ADAMTS12: variants seen among roughly 807,000 people sequenced by gnomAD.
ADAMTS12 encodes the protein ADAM metallopeptidase with thrombospondin type 1 motif 12, also known as A disintegrin and metalloproteinase with thrombospondin motifs 12.
A neutral mutation model predicts 167.8 loss-of-function variants in ADAMTS12; 118 were observed. That is an observed-to-expected ratio of 0.70 (90% CI 0.61 to 0.82). The LOEUF (loss-of-function observed/expected upper bound fraction) is 0.82, where lower values mean the gene tolerates loss of function less well. Ranked by LOEUF, ADAMTS12 falls within the 40% of genes least tolerant of loss-of-function variation. The pLI, the probability that ADAMTS12 is intolerant of heterozygous loss-of-function variation, is 0.00. For synonymous variants in ADAMTS12, 704 were observed against 716.9 expected (o/e 0.98, Z 0.29); for missense variants, 1,916 against 1,998.8 (o/e 0.96, Z 0.79).
rs759514533 is a variant in ADAMTS12, at chr5:33,881,108, C to T, written c.489+11G>A. ...AGGGCAGAGGAAGGAGATGCCAGAG[C>T]CCACACTCACCAGTCCATGGCAGGC... On this transcript the variant is annotated intron_variant, in intron 2 of 23. Transcript: ENST00000504830. 1.5e-5 allele frequency: 24 copies of T among 1,610,324 alleles called. No homozygotes were observed. The highest frequency in any genetic ancestry group is 2.0e-5 in the Non-Finnish European group (23 of 1,178,576).
intron 2 of ADAMTS12, among the ~76,000 whole-genome samples, chr5:33,796,190 AC>A (rs1446582753): frequency 6.6e-6 from 1 of 152,206 alleles, no homozygotes; most frequent in Non-Finnish European, 1.5e-5. Context: ...TCACTCTGGC[AC>A]CCAGCATAAA....
intron 2 of ADAMTS12, among the ~76,000 whole-genome samples, chr5:33,793,451 T>C (rs1678444863): frequency 6.6e-6 from 1 of 152,236 alleles, no homozygotes; most frequent in South Asian, 2.1e-4. Flanking sequence ...TGAATTTGAT[T>C]AAGCAACCAG....
intron 5 of ADAMTS12, among the ~76,000 whole-genome samples, chr5:33,672,654 G>T (rs1199110607): frequency 1.3e-5 from 2 of 152,108 alleles, no homozygotes; most frequent in Non-Finnish European, 2.9e-5. Context: ...TCCAATCTAC[G>T]TGTGTCTGTT....
intron 2 of ADAMTS12, among the ~76,000 whole-genome samples, chr5:33,870,440 T>G (rs1749996830): frequency 1.3e-5 from 2 of 152,198 alleles, no homozygotes; most frequent in African/African-American, 4.8e-5. Flanking sequence ...CCATGAAATC[T>G]TCAAAATTTA....
At chr5:33,759,555 A>T (rs188733151) in intron 2 of ADAMTS12, among the ~76,000 whole-genome samples, 1 of 152,172 alleles carries the variant, frequency 6.6e-6, no homozygotes, top group East Asian at 1.9e-4. Context: ...CCTTCAGTCA[A>T]TCTGCTGTCT....
chr5:33,756,116 GC>G (rs1221907060), intron 2 of ADAMTS12, among the ~76,000 whole-genome samples: 1 of 152,174 alleles, frequency 6.6e-6, no homozygotes, highest in Admixed American at 6.5e-5. Flanking sequence ...TGAAGACAAG[GC>G]TGATGTTCAT....
At chr5:33,609,559 A>G (rs1738622908) in intron 16 of ADAMTS12, among the ~76,000 whole-genome samples, 1 of 152,060 alleles carries the variant, frequency 6.6e-6, no homozygotes. Context: ...TTTGTTGTAG[A>G]GACAGAGTTT....
intron 2 of ADAMTS12, among the ~76,000 whole-genome samples, chr5:33,803,992 A>G (rs1052292795): frequency 2.6e-5 from 4 of 152,160 alleles, no homozygotes; most frequent in Non-Finnish European, 4.4e-5. Context: ...TGTGCTGCCT[A>G]TTGGCTGGAC....
intron 2 of ADAMTS12, among the ~76,000 whole-genome samples, chr5:33,754,812 C>T (rs538084740): frequency 1.2e-4 from 19 of 152,124 alleles, no homozygotes; most frequent in East Asian, 5.8e-4. Context: ...GCCGAGATTG[C>T]GCCATTGCAC....
intron 2 of ADAMTS12, among the ~76,000 whole-genome samples, chr5:33,823,948 GC>G (rs548472925): frequency 2.4e-4 from 36 of 152,088 alleles, no homozygotes; most frequent in Non-Finnish European, 5.9e-5. Flanking sequence ...TGATCATTAT[GC>G]TATGCATACA....
intron 3 of ADAMTS12, among the ~76,000 whole-genome samples, chr5:33,725,730 T>C (rs935199364): frequency 1.3e-5 from 2 of 152,180 alleles, no homozygotes; most frequent in African/African-American, 4.8e-5. Flanking sequence ...TTTGCAATCA[T>C]AGCCACACCT....
intron 3 of ADAMTS12, among the ~76,000 whole-genome samples, chr5:33,687,606 TG>T (rs1457832342): frequency 6.6e-6 from 1 of 152,212 alleles, no homozygotes; most frequent in Non-Finnish European, 1.5e-5. Context: ...TTGTCATCAC[TG>T]GGGTTCAAGT....
intron 19 of ADAMTS12, among the ~76,000 whole-genome samples, chr5:33,563,810 T>G (rs1266619622): frequency 2.0e-5 from 3 of 152,222 alleles, no homozygotes; most frequent in African/African-American, 7.2e-5. Flanking sequence ...TACTGAGTAC[T>G]TCCTATGTGC....
chr5:33,812,684 T>G (rs75289746), intron 2 of ADAMTS12, among the ~76,000 whole-genome samples: 2 of 152,246 alleles, frequency 1.3e-5, no homozygotes, highest in Admixed American at 6.5e-5. Flanking sequence ...TCATCCACAT[T>G]GTTAAATATA....
At chr5:33,818,494 A>C (rs1293494885) in intron 2 of ADAMTS12, among the ~76,000 whole-genome samples, 8 of 152,064 alleles carry the variant, frequency 5.3e-5, no homozygotes, top group Admixed American at 2.0e-4. Context: ...ATAGATACTT[A>C]AGTTTTTTCC....
intron 3 of ADAMTS12, among the ~76,000 whole-genome samples, chr5:33,750,351 TG>T (rs1375085047): frequency 6.6e-6 from 1 of 152,206 alleles, no homozygotes; most frequent in Non-Finnish European, 1.5e-5. Context: ...TCTGCTAAGA[TG>T]ATAGACGAAA....
chr5:33,586,967 T>A (rs1035659042), intron 18 of ADAMTS12, among the ~76,000 whole-genome samples: 12 of 152,198 alleles, frequency 7.9e-5, no homozygotes, highest in Admixed American at 2.0e-4. Flanking sequence ...CTTTCCTTTT[T>A]TCTTTTTCTT....
intron 2 of ADAMTS12, among the ~76,000 whole-genome samples, chr5:33,821,271 T>G (rs1419110869): frequency 1.3e-5 from 2 of 152,192 alleles, no homozygotes; most frequent in Non-Finnish European, 2.9e-5. Context: ...GCTTTTCATA[T>G]TTAGCAATCT....
At chr5:33,854,941 C>G (rs1749347928) in intron 2 of ADAMTS12, among the ~76,000 whole-genome samples, 1 of 152,140 alleles carries the variant, frequency 6.6e-6, no homozygotes, top group Non-Finnish European at 1.5e-5. Context: ...TGGTGAGGGA[C>G]AACAAACCCT....
Sources: allele counts gnomAD v4.1 joint callset (sites outside exome capture counted in the v4.1 genomes callset), GRCh38; gene constraint gnomAD v4.1.1; transcripts MANE v1.5; gene names NCBI Gene and HGNC (gene_info 2026-07-23, HGNC 2026-07-21).